The following GSG1L variants were observed in gnomAD, a reference collection of about 807,000 sequenced individuals.
GSG1L encodes GSG1 like, also known as germ cell-specific gene 1-like protein.
Under a neutral mutation model 42.1 loss-of-function variants are expected in GSG1L, and 24 were observed. That is an observed-to-expected ratio of 0.57 (90% CI 0.41 to 0.80). The LOEUF (loss-of-function observed/expected upper bound fraction) is 0.80, where lower values mean the gene tolerates loss of function less well. GSG1L is among the 30% of genes least tolerant of loss of function. The pLI is 0.00. For missense variants in GSG1L, 445 were observed against 472.2 expected (o/e 0.94, Z 0.53); for synonymous variants, 215 against 203.5 (o/e 1.06, Z -0.48).
At chr16:28,001,887 A>G (rs1273596505) in intron 1 of GSG1L, among the ~76,000 whole-genome samples, 1 of 152,096 alleles carries the variant, frequency 6.6e-6, no homozygotes, top group African/African-American at 2.4e-5. Flanking sequence ...CCTTCAAATT[A>G]TCATCTACAA....
At chr16:28,056,749 G>C (rs1052268244) in intron 1 of GSG1L, among the ~76,000 whole-genome samples, 1 of 152,110 alleles carries the variant, frequency 6.6e-6, no homozygotes, top group Non-Finnish European at 1.5e-5. Context: ...GGGGCAGCAC[G>C]ATGTGACCGG....
intron 1 of GSG1L, among the ~76,000 whole-genome samples, chr16:28,023,509 T>C (rs1361712227): frequency 1.3e-5 from 2 of 152,258 alleles, no homozygotes; most frequent in Non-Finnish European, 2.9e-5. Context: ...CATTTATGGT[T>C]CTGATACACA....
At chr16:28,034,211 A>T (rs867681394) in intron 1 of GSG1L, among the ~76,000 whole-genome samples, 35 of 54,014 alleles carry the variant, frequency 6.5e-4, no homozygotes, top group South Asian at 1.5e-3. Flanking sequence ...TCCCATCCCA[A>T]CCCATCCCAT....
intron 2 of GSG1L, among the ~76,000 whole-genome samples, chr16:27,948,824 T>G (rs2084917665): frequency 6.6e-6 from 1 of 150,706 alleles, no homozygotes. Context: ...TTAGCCAGGA[T>G]GGTCTCAATC....
chr16:27,816,523 C>T (rs898602197), intron 5 of GSG1L, among the ~76,000 whole-genome samples: 6 of 152,172 alleles, frequency 3.9e-5, no homozygotes, highest in African/African-American at 9.7e-5. Flanking sequence ...AGCCCTATTT[C>T]GCAGATGGGA....
intron 1 of GSG1L, among the ~76,000 whole-genome samples, chr16:28,024,617 C>G (rs1012968735): frequency 7.2e-5 from 11 of 152,150 alleles, no homozygotes; most frequent in Non-Finnish European, 4.4e-5. Flanking sequence ...AAGTCGCCCT[C>G]AGAGATGTCC....
intron 2 of GSG1L, among the ~76,000 whole-genome samples, chr16:27,898,936 C>G (rs910630921): frequency 2.0e-5 from 3 of 152,120 alleles, no homozygotes; most frequent in Admixed American, 6.5e-5. Flanking sequence ...CAGGTGCTGT[C>G]TAGTTTGCTG....
intron 2 of GSG1L, among the ~76,000 whole-genome samples, chr16:27,893,965 C>A (rs2084160396): frequency 6.6e-6 from 1 of 152,224 alleles, no homozygotes; most frequent in Non-Finnish European, 1.5e-5. Context: ...GTTGCCCAGG[C>A]TGGTCTCAAA....
intron 2 of GSG1L, among the ~76,000 whole-genome samples, chr16:27,934,813 T>C (rs937642045): frequency 6.6e-6 from 1 of 152,126 alleles, no homozygotes; most frequent in Non-Finnish European, 1.5e-5. Context: ...CCTGGGGCTG[T>C]TGGGAGGATC....
At chr16:28,009,515 C>A (rs2085688876) in intron 1 of GSG1L, among the ~76,000 whole-genome samples, 1 of 152,244 alleles carries the variant, frequency 6.6e-6, no homozygotes, top group Admixed American at 6.5e-5. Flanking sequence ...CTGTATCACT[C>A]ACCACTGATT....
chr16:27,993,586 A>G (rs781465857), intron 1 of GSG1L, among the ~76,000 whole-genome samples: 12 of 152,200 alleles, frequency 7.9e-5, no homozygotes, highest in Non-Finnish European at 1.5e-4. Context: ...CCAGCCTCGA[A>G]AAAAGCCCCT....
At chr16:27,798,552 G>A (rs1483913602) in intron 6 of GSG1L, among the ~76,000 whole-genome samples, 7 of 152,132 alleles carry the variant, frequency 4.6e-5, no homozygotes, top group Non-Finnish European at 8.8e-5. Context: ...AGAGCACATG[G>A]GGATGAAGGG....
At chr16:27,959,675 C>A (rs374142452) in intron 2 of GSG1L, among the ~76,000 whole-genome samples, 3 of 151,940 alleles carry the variant, frequency 2.0e-5, no homozygotes, top group Non-Finnish European at 4.4e-5. Context: ...CCCAGCTACT[C>A]GGAGCCTAAG....
At chr16:28,055,371 T>C (rs2086268089) in intron 1 of GSG1L, among the ~76,000 whole-genome samples, 1 of 152,100 alleles carries the variant, frequency 6.6e-6, no homozygotes. Context: ...TTGCCCAGGC[T>C]TGTCTTGAAT....
intron 6 of GSG1L, among the ~76,000 whole-genome samples, chr16:27,795,952 G>T (rs2082813291): frequency 6.6e-6 from 1 of 152,042 alleles, no homozygotes; most frequent in Non-Finnish European, 1.5e-5. Flanking sequence ...TTCCAAAATG[G>T]ATTCATTGGG....
chr16:27,928,517 GAAAAC>G (rs71985960), intron 2 of GSG1L, among the ~76,000 whole-genome samples: 74,059 of 150,268 alleles, frequency 0.49, 18,455 homozygotes, highest in South Asian at 0.56. Context: ...GAAAAGAAAA[GAAAAC>G]AAAACAAAAC....
At chr16:28,047,181 T>C (rs2086171009) in intron 1 of GSG1L, among the ~76,000 whole-genome samples, 1 of 152,198 alleles carries the variant, frequency 6.6e-6, no homozygotes, top group East Asian at 1.9e-4. Flanking sequence ...TGGAATTAAG[T>C]TGCAACGATT....
intron 5 of GSG1L, among the ~76,000 whole-genome samples, chr16:27,817,126 A>G (rs887215806): frequency 6.6e-6 from 1 of 152,200 alleles, no homozygotes; most frequent in African/African-American, 2.4e-5. Flanking sequence ...ACCAGAACTG[A>G]TATATCACTA....
intron 3 of GSG1L, among the ~76,000 whole-genome samples, chr16:27,869,599 C>T (rs761870802): frequency 6.9e-6 from 1 of 145,130 alleles, no homozygotes; most frequent in African/African-American, 2.6e-5. Context: ...TTCTCTCTGT[C>T]TCTGTCTCCA....
Sources: allele counts gnomAD v4.1 joint callset (sites outside exome capture counted in the v4.1 genomes callset), GRCh38; gene constraint gnomAD v4.1.1; transcripts MANE v1.5; gene names NCBI Gene and HGNC (gene_info 2026-07-23, HGNC 2026-07-21).